The following SPAG4 variants were observed in gnomAD, a reference collection of about 807,000 sequenced individuals.
The protein encoded by SPAG4 is sperm-associated antigen 4 protein.
In SPAG4, 54 loss-of-function variants were observed where a neutral mutation model predicts 53.9. The ratio of observed to expected loss-of-function variants is 1.00; its 90% CI spans 0.80 to 1.26. The LOEUF (loss-of-function observed/expected upper bound fraction) is 1.26, where lower values mean the gene tolerates loss of function less well. SPAG4 is among the 50% of genes most tolerant of loss of function. The pLI is 0.00. For synonymous variants in SPAG4, 246 were observed against 237.4 expected (o/e 1.04, Z -0.33); for missense variants, 548 against 568.6 (o/e 0.96, Z 0.37).
At chr20:35,620,347 A>ACCCCT (rs1489392687) in intron 10 of SPAG4, among the ~76,000 whole-genome samples, 1 of 152,134 alleles carries the variant, frequency 6.6e-6, no homozygotes, top group Non-Finnish European at 1.5e-5. Context: ...AGAGAGGGGA[A>ACCCCT]GTTATTTTTC....
chr20:35,617,318 G>T, intron 2 of SPAG4, 78 bp downstream of exon 2: 2 of 1,105,044 alleles, frequency 1.8e-6, no homozygotes, highest in Non-Finnish European at 1.3e-6. Flanking sequence ...TGAGCCCCCG[G>T]CCCCCGTTTG....
intron 9 of SPAG4, 82 bp from the exon 10 acceptor site, chr20:35,619,497 G>A: frequency 6.4e-7 from 1 of 1,555,640 alleles, no homozygotes. Flanking sequence ...GTCGATGGAT[G>A]GGGTCGAGCT....
Position 35,616,098 on chromosome 20 carries a change from A to T in SPAG4, c.95A>T (p.Glu32Val). 2 of 1,610,114 alleles carry T rather than the reference A, an allele frequency of 1.2e-6. No homozygotes were observed. The highest frequency in any genetic ancestry group is 1.7e-6 in the Non-Finnish European group (2 of 1,178,470). The change falls in exon 1 of 12, where the codon GAG (glutamate) becomes GTG (valine). Residue 32 changes from glutamate to valine, a missense_variant. Coordinates refer to ENST00000374273, the MANE Select transcript of SPAG4 (RefSeq NM_003116.3). ...AACAGCTCAATGAGCATCACCTCGG[A>T]GGACAGCAAAGGGCTCCGGTCAGCG... The part of the protein sequence containing the change: ...SENSSMSITS[E>V]DSKGLRSAEP...
chr20:35,621,031 A>AT lies in SPAG4; in HGVS notation c.*14dup, dbSNP rs2031566750. The AT allele has an allele frequency of 6.2e-7, 1 of 1,612,464 alleles. No homozygotes were observed. The highest frequency in any genetic ancestry group is 1.7e-4 in the Middle Eastern group (1 of 6,022). ...CACAGGGGCCCCATTAAACATGCTG[A>AT]TTTTTGGAGTAGAATTGAGTTCTGC... On this transcript the variant is annotated 3_prime_UTR_variant, in exon 12 of 12. Transcript: ENST00000374273.
chr20:35,616,414 T>C, intron 1 of SPAG4, 107 bp downstream of exon 1: 11 of 1,404,820 alleles, frequency 7.8e-6, no homozygotes, highest in Non-Finnish European at 1.0e-5. Context: ...TCCTACAAGG[T>C]GGGTCCTGTA....
intron 11 of SPAG4, 35 bp downstream of exon 11, chr20:35,620,808 G>C (rs747983311): frequency 6.2e-7 from 1 of 1,613,364 alleles, no homozygotes; most frequent in African/African-American, 1.3e-5. Context: ...TGCCAAGGGA[G>C]TGGGGCAGTG....
chr20:35,617,406 C>T, intron 2 of SPAG4, 114 bp from the exon 3 acceptor site: 1 of 1,059,398 alleles, frequency 9.4e-7, no homozygotes, highest in Non-Finnish European at 1.4e-6. Context: ...TCTTCCTGAG[C>T]CCCAGGCCCA....
Position 35,617,228 on chromosome 20 carries a change from A to T in SPAG4, c.397A>T (p.Lys133Ter), listed in dbSNP as rs1358758217. Residue 133 changes from lysine to a stop codon, truncating the protein, a stop_gained, in exon 2 of 12, where the codon AAG becomes TAG. Transcript: ENST00000374273. LOFTEE classifies it high-confidence loss of function. ...RQEMPPPRVF[K>*]SFLSLLFQGL... ...GGAGATGCCTCCCCCGCGGGTGTTC[A>T]AGAGCTTTCTGAGTACGGGCCAGGC... is the stretch of plus-strand genomic sequence containing the variant. 6.3e-7 allele frequency: 1 copy of T among 1,598,570 alleles called. No homozygotes were observed.
In SPAG4 at chr20:35,617,506, T is replaced by C; in HGVS notation, c.410-14T>C. Reference sequence around the variant, plus strand: ...TGCCGTGGGCCCCTCTCTGACCCTCTGTCCTGGCCTCAGGCCTGCTCTTCC... The same window carrying C: ...TGCCGTGGGCCCCTCTCTGACCCTCCGTCCTGGCCTCAGGCCTGCTCTTCC... On this transcript the variant is annotated splice_polypyrimidine_tract_variant and intron_variant, in intron 2 of 11. Coordinates refer to ENST00000374273, the MANE Select transcript of SPAG4 (RefSeq NM_003116.3). The C allele has an allele frequency of 6.3e-7, 1 of 1,581,082 alleles. No homozygotes were observed.
rs1412509054 is a variant in SPAG4, at chr20:35,619,680, G to T, written c.1011G>T (p.Gln337His). ...TGCAGCTGAGCGACATCACTCTGCAGCATCCACCGCCCAGCGTGGAGCACA... is the reference window on the plus strand; with the variant it reads ...TGCAGCTGAGCGACATCACTCTGCATCATCCACCGCCCAGCGTGGAGCACA... ...GRVQLSDITL[Q>H]HPPPSVEHTG... Residue 337 changes from glutamine (Q) to histidine (H), a missense_variant, in exon 10 of 12, where the codon CAG becomes CAT. By Grantham distance (24) the Gln-to-His change is conservative (BLOSUM62 0). Coordinates refer to ENST00000374273, the MANE Select transcript of SPAG4 (RefSeq NM_003116.3). 1 of 1,613,850 alleles carries T rather than the reference G, an allele frequency of 6.2e-7. No homozygotes were observed. The highest frequency in any genetic ancestry group is 8.5e-7 in the Non-Finnish European group (1 of 1,179,974).
chr20:35,617,618 C>CAGCT, intron 3 of SPAG4, 32 bp downstream of exon 3: 1 of 1,608,258 alleles, frequency 6.2e-7, no homozygotes, highest in Non-Finnish European at 8.5e-7. Context: ...GCCCCAGGAA[C>CAGCT]AGCTCTTTGG....
intron 4 of SPAG4, 66 bp from the exon 5 acceptor site, chr20:35,618,021 C>T (rs754264357): frequency 3.9e-6 from 6 of 1,534,074 alleles, no homozygotes; most frequent in Non-Finnish European, 4.5e-6. Flanking sequence ...TTTCCACTGT[C>T]CCCCTATGCC....
In SPAG4 at chr20:35,619,816, C is replaced by T. The variant is rs967477589; in HGVS notation, c.1077+70C>T. ...GCCCAAGCAGTCTTGAGAACTGGTG[C>T]CGTTATCTGAGTCTTCGCTTGCTCA... On this transcript the variant is annotated intron_variant, in intron 10 of 11. Coordinates refer to ENST00000374273, the MANE Select transcript of SPAG4 (RefSeq NM_003116.3). The T allele has an allele frequency of 6.1e-6, 9 of 1,478,166 alleles. No individual in the cohort carries two copies. The African/African-American group carries it at 9.7e-5, about 16-fold the overall frequency. 91.6% of individuals were successfully genotyped at this position (1,478,166 alleles called of 1,614,324 possible). A position where few individuals can be genotyped will look rare whatever the true frequency, so the allele number is the denominator to read the frequency against.
intron 2 of SPAG4, 61 bp from the exon 3 acceptor site, chr20:35,617,459 C>A: frequency 6.9e-7 from 1 of 1,447,204 alleles, no homozygotes; most frequent in Non-Finnish European, 9.4e-7. Flanking sequence ...GGACACCACG[C>A]AGGCTGAGCC....
intron 4 of SPAG4, 65 bp from the exon 5 acceptor site, chr20:35,618,022 C>G: frequency 6.5e-7 from 1 of 1,548,950 alleles, no homozygotes; most frequent in Non-Finnish European, 8.9e-7. Flanking sequence ...TTCCACTGTC[C>G]CCCTATGCCG....
In SPAG4 at chr20:35,617,113, G is replaced by C. The variant is rs11698601; in HGVS notation, c.305-23G>C. The C allele has an allele frequency of 4.6e-6, 7 of 1,511,126 alleles. No homozygotes were observed. In the Admixed American group the frequency reaches 7.7e-5, roughly 17 times the overall value. The allele number at this position is 1,511,126 out of a possible 1,614,324, so 93.6% of individuals were successfully genotyped here. A position where few individuals can be genotyped will look rare whatever the true frequency, so the allele number is the denominator to read the frequency against. On this transcript the variant is annotated intron_variant, in intron 1 of 11. Coordinates refer to ENST00000374273, the MANE Select transcript of SPAG4 (RefSeq NM_003116.3). ...TAGGTCTGTGGTCCGCAAGGCCCCA[G>C]TGGAGCCCTTGGGTTCCCGCAGAAC...
chr20:35,615,911 T>C lies in SPAG4; in HGVS notation c.-93T>C, dbSNP rs1180035753. ...CCGACTTCACGCAGGGTCCGTGGGG[T>C]CCCCGCGGCGCGCAGCGGCTGAAGG... On this transcript the variant is annotated 5_prime_UTR_variant, in exon 1 of 12. Transcript: ENST00000374273. The C allele has an allele frequency of 6.1e-6, 8 of 1,301,922 alleles. No homozygotes were observed. The African/African-American group carries it at 9.2e-5, about 15-fold the overall frequency. The allele number at this position is 1,301,922 out of a possible 1,614,324, so 80.6% of individuals were successfully genotyped here.
intron 8 of SPAG4, 67 bp downstream of exon 8, chr20:35,619,065 A>T (rs1568899934): frequency 6.7e-7 from 1 of 1,493,660 alleles, no homozygotes; most frequent in Non-Finnish European, 9.3e-7. Flanking sequence ...TGACACAGAC[A>T]GACCCATGCA....
At chr20:35,617,472 G>A (rs1291539273) in intron 2 of SPAG4, 48 bp from the exon 3 acceptor site, 38 of 1,399,634 alleles carry the variant, frequency 2.7e-5, no homozygotes, top group Non-Finnish European at 3.0e-5. Flanking sequence ...GCTGAGCCCC[G>A]CCTCTCCCTG....
Sources: allele counts gnomAD v4.1 joint callset (sites outside exome capture counted in the v4.1 genomes callset), GRCh38; gene constraint gnomAD v4.1.1; transcripts MANE v1.5; gene names NCBI Gene and HGNC (gene_info 2026-07-23, HGNC 2026-07-21).